Variants in DSCAM observed in about 807,000 individuals in gnomAD.
The protein encoded by DSCAM is DS cell adhesion molecule, also known as cell adhesion molecule DSCAM.
DSCAM carries 47 observed loss-of-function variants against 217.7 expected under a neutral mutation model. That is an observed-to-expected ratio of 0.22 (90% confidence interval 0.17 to 0.28). The LOEUF (loss-of-function observed/expected upper bound fraction) is 0.28. DSCAM is among the 10% of genes least tolerant of loss of function. The pLI, the probability that DSCAM is intolerant of heterozygous loss-of-function variation, is 1.00. For missense variants in DSCAM, 2,080 were observed against 2,618.3 expected (o/e 0.79, Z 4.49); for synonymous variants, 1,056 against 1,015.3 (o/e 1.04, Z -0.76).
At chr21:40,365,502 G>T (rs1294976784) in intron 4 of DSCAM, among the ~76,000 whole-genome samples, 1 of 152,014 alleles carries the variant, frequency 6.6e-6, no homozygotes, top group Non-Finnish European at 1.5e-5. Flanking sequence ...CCTATTGTGG[G>T]ACTTTACCTT....
chr21:40,629,074 GTGGTGTGT>G (rs1241342098), intron 3 of DSCAM, among the ~76,000 whole-genome samples: 4 of 133,490 alleles, frequency 3.0e-5, no homozygotes, highest in African/African-American at 1.2e-4. Context: ...ATGTGTGTGT[GTGGTGTGT>G]GTGTGTGTGT....
chr21:40,381,365 G>C (rs2075023482), intron 3 of DSCAM, among the ~76,000 whole-genome samples: 1 of 152,152 alleles, frequency 6.6e-6, no homozygotes, highest in Non-Finnish European at 1.5e-5. Context: ...GTTTAGAAGA[G>C]GTACATCAGC....
At chr21:40,670,911 C>A (rs35561044) in intron 3 of DSCAM, among the ~76,000 whole-genome samples, 10,501 of 152,168 alleles carry the variant, frequency 0.069, 395 homozygotes, top group East Asian at 0.12. Flanking sequence ...AAACAGAAGA[C>A]AAGCCAAATG....
intron 3 of DSCAM, among the ~76,000 whole-genome samples, chr21:40,599,190 G>A (rs547408719): frequency 9.2e-5 from 14 of 151,946 alleles, no homozygotes; most frequent in Middle Eastern, 6.9e-3. Context: ...GTCTTTTGCT[G>A]AGCAGAAGGC....
At chr21:40,375,132 A>G (rs1247725620) in intron 3 of DSCAM, among the ~76,000 whole-genome samples, 1 of 152,220 alleles carries the variant, frequency 6.6e-6, no homozygotes, top group Non-Finnish European at 1.5e-5. Flanking sequence ...ATCATATTTT[A>G]TCTAACAGGA....
chr21:40,292,185 C>A (rs58121362), intron 10 of DSCAM, among the ~76,000 whole-genome samples: 2,309 of 110,278 alleles, frequency 0.021, 79 homozygotes, highest in African/African-American at 0.073. Context: ...AATGTAATGA[C>A]TTTTTTTTTT....
chr21:40,448,312 G>A (rs780174937), intron 3 of DSCAM, among the ~76,000 whole-genome samples: 20 of 152,120 alleles, frequency 1.3e-4, no homozygotes, highest in Admixed American at 3.3e-4. Context: ...ATAGAGGAAG[G>A]GTGAGTTCAT....
chr21:40,265,207 A>G (rs1258338889), intron 11 of DSCAM, among the ~76,000 whole-genome samples: 4 of 148,370 alleles, frequency 2.7e-5, no homozygotes, highest in Non-Finnish European at 6.0e-5. Context: ...AAAAAAAAAG[A>G]AAAAAAAAAG....
rs1307718510 is a variant in DSCAM at position 40,708,627 on chromosome 21, C to T, written c.188G>A (p.Gly63Asp). ...PVTLRWYLAT[G>D]EEIYDVPGIR... is the part of the protein sequence containing the mutation. ...CCCGGGGACATCGTAGATCTCCTCG[C>T]CCGTGGCTAGGTACCATCTGAGAGT... Residue 63 changes from glycine (G) to aspartate (D), a missense_variant, in exon 2 of 33, where the codon GGC becomes GAC. This residue lies in a region of DSCAM where 568 missense variants were observed against 678.1 expected (regional missense o/e 0.84). Coordinates refer to ENST00000400454, the MANE Select transcript of DSCAM (RefSeq NM_001389.5). The T allele has an allele frequency of 6.2e-7, 1 of 1,612,966 alleles. No individual in the cohort carries two copies. The highest frequency in any genetic ancestry group is 1.1e-5 in the South Asian group (1 of 90,634).
At chr21:40,727,119 A>G (rs538013628) in intron 1 of DSCAM, among the ~76,000 whole-genome samples, 25 of 152,344 alleles carry the variant, frequency 1.6e-4, no homozygotes, top group South Asian at 1.5e-3. Context: ...TCTCACCTAC[A>G]TCAGTCAGCT....
chr21:40,426,254 T>C (rs558037846), intron 3 of DSCAM, among the ~76,000 whole-genome samples: 64 of 152,362 alleles, frequency 4.2e-4, no homozygotes, highest in African/African-American at 1.4e-3. Context: ...AGAAGCTGCA[T>C]AGATGGGTCT....
Position 40,187,192 on chromosome 21 carries a change from G to A in DSCAM, c.2718C>T (p.Thr906=). The A allele has an allele frequency of 6.2e-7, 1 of 1,614,148 alleles. No individual in the cohort carries two copies. The highest frequency in any genetic ancestry group is 8.5e-7 in the Non-Finnish European group (1 of 1,180,018). ...TGGGACTGTTTCCATCAAACCCCAT[G>A]GTCCACCTGAGCGTAATTGTGCGTG... ...VKARTITLRW[T]MGFDGNSPIT... The change falls in exon 14 of 33, where the codon ACC becomes ACT. Residue 906 remains threonine, a synonymous_variant. Coordinates refer to ENST00000400454, the MANE Select transcript of DSCAM (RefSeq NM_001389.5).
chr21:40,329,723 GCTGTAGTC>G (rs1405488603), intron 8 of DSCAM, among the ~76,000 whole-genome samples: 2 of 151,970 alleles, frequency 1.3e-5, no homozygotes, highest in Non-Finnish European at 2.9e-5. Flanking sequence ...GAAAGAGTGA[GCTGTAGTC>G]CTTTGTGACA....
intron 2 of DSCAM, among the ~76,000 whole-genome samples, chr21:40,702,425 T>G (rs2090666438): frequency 6.6e-6 from 1 of 152,238 alleles, no homozygotes. Flanking sequence ...AATATTAATG[T>G]GGCTATTCTA....
chr21:40,693,029 A>G, intron 2 of DSCAM, 73 bp from the exon 3 acceptor site: 1 of 1,526,366 alleles, frequency 6.6e-7, no homozygotes, highest in South Asian at 1.2e-5. Context: ...TCACTGTAAT[A>G]TATACACTGC....
intron 3 of DSCAM, among the ~76,000 whole-genome samples, chr21:40,382,119 C>T (rs148686388): frequency 2.3e-4 from 35 of 152,286 alleles, no homozygotes; most frequent in Non-Finnish European, 4.4e-4. Flanking sequence ...CAAGGCTAAT[C>T]GTCTTTTAGC....
rs1437169888 is a variant in DSCAM at position 40,774,977 on chromosome 21, A to G, written c.44-66206T>C. On this transcript the variant is annotated intron_variant, in intron 1 of 32. Transcript: ENST00000400454. ...CAAAATTATTATGTAATAATTATAT[A>G]ACATATAATTATAATTTTTACAAAA... 8.3e-5 allele frequency among the ~76,000 whole-genome samples: 4 copies of G among 48,202 alleles called. No individual in the cohort carries two copies. In the Admixed American group the frequency reaches 8.9e-4, roughly 11 times the overall value. 31.6% of individuals were successfully genotyped at this position (48,202 alleles called of 152,430 possible).
chr21:40,435,448 CA>C, intron 3 of DSCAM, among the ~76,000 whole-genome samples: 1 of 151,280 alleles, frequency 6.6e-6, no homozygotes, highest in South Asian at 2.1e-4. Context: ...CCTGGTGACA[CA>C]AGTTTACCTT....
chr21:40,507,773 G>A (rs2076221412), intron 3 of DSCAM, among the ~76,000 whole-genome samples: 2 of 152,100 alleles, frequency 1.3e-5, no homozygotes. Flanking sequence ...ACAGAGCACA[G>A]CAAGACTCTG....
Sources: gnomAD v4.1 joint callset for allele counts (sites outside exome capture counted in the v4.1 genomes callset) on GRCh38, gnomAD v4.1.1 for gene constraint, gnomAD v4.1.1 regional missense constraint, MANE v1.5 for transcripts, NCBI Gene and HGNC (gene_info 2026-07-23, HGNC 2026-07-21) for gene names.